ACBD5: variants seen among roughly 807,000 people sequenced by gnomAD.
ACBD5 encodes acyl-CoA-binding domain-containing protein 5.
ACBD5 carries 40 observed loss-of-function variants against 71.8 expected under a neutral mutation model. The ratio of observed to expected loss-of-function variants is 0.56; its 90% CI spans 0.43 to 0.72. The LOEUF (loss-of-function observed/expected upper bound fraction) is 0.72, where lower values mean the gene tolerates loss of function less well. ACBD5 is among the 30% of genes least tolerant of loss of function. The probability of loss-of-function intolerance (pLI) is 0.00; values close to 1 mark genes in which losing one functional copy is unlikely to be tolerated. For missense variants in ACBD5, 559 were observed against 644.5 expected (o/e 0.87, Z 1.44); for synonymous variants, 229 against 218.6 (o/e 1.05, Z -0.42).
At chr10:27,213,780 A>G (rs555975668) in intron 8 of ACBD5, among the ~76,000 whole-genome samples, 39 of 152,202 alleles carry the variant, frequency 2.6e-4, no homozygotes, top group Non-Finnish European at 3.1e-4. Context: ...AAGTACCAAA[A>G]ATAGAGTTAC....
chr10:27,205,175 A>G (rs370878059), intron 11 of ACBD5, 23 bp downstream of exon 11: 278 of 1,606,310 alleles, frequency 1.7e-4, no homozygotes, highest in Middle Eastern at 7.3e-4. Flanking sequence ...CCTGGCATTT[A>G]AATTTTTTAA....
At position 27,233,862 on chromosome 10, in the gene ACBD5, T is replaced by G. The variant is rs2064255290; in HGVS notation, c.302+1230A>C. Among the ~76,000 whole-genome samples, 3 of 152,170 alleles carry G rather than the reference T, an allele frequency of 2.0e-5. No individual in the cohort carries two copies. The South Asian group carries it at 6.2e-4, about 31-fold the overall frequency. Reference sequence around the variant, plus strand: ...GAGTTCAAGACCAGCCTGACCAACATGGAGAAACCCTGTCTCTACTAAAAA... The same window carrying G: ...GAGTTCAAGACCAGCCTGACCAACAGGGAGAAACCCTGTCTCTACTAAAAA... On this transcript the variant is annotated intron_variant, in intron 3 of 12. Coordinates refer to ENST00000396271, the MANE Select transcript of ACBD5 (RefSeq NM_145698.5).
At chr10:27,182,917 G>A (rs901838669) in intron 13 of ACBD5, among the ~76,000 whole-genome samples, 2 of 151,822 alleles carry the variant, frequency 1.3e-5, no homozygotes, top group Admixed American at 6.6e-5. Context: ...CCAAAATGCT[G>A]AATTACAGGT....
intron 12 of ACBD5, among the ~76,000 whole-genome samples, chr10:27,203,714 G>A (rs2060175089): frequency 1.3e-5 from 2 of 151,838 alleles, no homozygotes; most frequent in Non-Finnish European, 2.9e-5. Flanking sequence ...ACCCCAGCCT[G>A]GGCAACAAAA....
At chr10:27,184,614 G>T (rs1423225367) in intron 13 of ACBD5, among the ~76,000 whole-genome samples, 1 of 140,930 alleles carries the variant, frequency 7.1e-6, no homozygotes, top group Non-Finnish European at 1.5e-5. Flanking sequence ...AGGCTGGAGT[G>T]CAGTGGCATG....
At chr10:27,234,328 A>G (rs2800394) in intron 3 of ACBD5, among the ~76,000 whole-genome samples, 117,901 of 151,966 alleles carry the variant, frequency 0.78, 45,996 homozygotes, top group African/African-American at 0.86. Context: ...CAGAAGTGAC[A>G]GCTTAGATAA....
chr10:27,205,104 G>A lies in ACBD5; in HGVS notation c.1455+94C>T. The A allele has an allele frequency of 6.4e-6, 8 of 1,254,584 alleles. No individual in the cohort carries two copies. The South Asian group carries it at 9.6e-5, about 15-fold the overall frequency. 77.7% of individuals were successfully genotyped at this position (1,254,584 alleles called of 1,614,324 possible). Reference sequence around the variant, plus strand: ...ATCGCACCACTGCACTCCAGCCTGGGCAACAGAGCGAGACTCCGTATCAAA... The same window carrying A: ...ATCGCACCACTGCACTCCAGCCTGGACAACAGAGCGAGACTCCGTATCAAA... On this transcript the variant is annotated intron_variant, in intron 11 of 12. Coordinates refer to ENST00000396271, the MANE Select transcript of ACBD5 (RefSeq NM_145698.5).
Position 27,210,876 on chromosome 10 carries a change from G to T in ACBD5, c.1142C>A (p.Ala381Glu). ...GGEDGRNNSG[A>E]PHREKRGGET... ...TCCGCCTCGCTTCTCCCGGTGTGGT[G>T]CTCCGCTGTTATTCCTGCCATCTTC... Residue 381 changes from alanine to glutamate, a missense_variant, in exon 9 of 13, where the codon GCA becomes GAA. Transcript: ENST00000396271. 6.2e-7 allele frequency: 1 copy of T among 1,614,170 alleles called. No homozygotes were observed. Among genetic ancestry groups the T allele is most frequent in the Non-Finnish European group, 8.5e-7 (1 of 1,180,036 alleles).
intron 12 of ACBD5, among the ~76,000 whole-genome samples, chr10:27,200,024 C>T (rs1236794022): frequency 6.6e-6 from 1 of 151,970 alleles, no homozygotes; most frequent in Non-Finnish European, 1.5e-5. Flanking sequence ...TAGAAACATC[C>T]TTTCCTTCAA....
At chr10:27,241,135 C>T (rs1171438723), upstream of ACBD5, among the ~76,000 whole-genome samples, 1 of 152,224 alleles carries the variant, frequency 6.6e-6, no homozygotes, top group African/African-American at 2.4e-5. Flanking sequence ...CACGCGACGG[C>T]ACCGCTGGGC....
intron 12 of ACBD5, among the ~76,000 whole-genome samples, chr10:27,198,482 T>A (rs2059582953): frequency 6.6e-6 from 1 of 152,200 alleles, no homozygotes; most frequent in African/African-American, 2.4e-5. Context: ...CTTATGCAAC[T>A]CCTTTGGCAG....
At chr10:27,194,319 G>A (rs889727173), downstream of ACBD5, among the ~76,000 whole-genome samples, 1 of 149,622 alleles carries the variant, frequency 6.7e-6, no homozygotes. Flanking sequence ...TATTTAAGAT[G>A]GTTGATTAGG....
Position 27,240,418 on chromosome 10 carries a change from G to A in ACBD5, c.82C>T (p.Arg28Trp). The A allele has an allele frequency of 1.2e-6, 2 of 1,614,062 alleles. No homozygotes were observed. The highest frequency in any genetic ancestry group is 1.7e-6 in the Non-Finnish European group (2 of 1,180,034). ...ATCTCCAGCTGCCAGTGTTGGCCCCGGTCCCAAGGTCTGTCGGCGGGAATC... is the reference window on the plus strand; with the variant it reads ...ATCTCCAGCTGCCAGTGTTGGCCCCAGTCCCAAGGTCTGTCGGCGGGAATC... ...CLIPADRPWD[R>W]GQHWQLEMAD... is the part of the protein sequence containing the mutation. The change falls in exon 2 of 13, where the codon CGG (arginine) becomes TGG (tryptophan). Residue 28 changes from arginine (R) to tryptophan (W), a missense_variant. Physicochemically the swap from Arg to Trp is moderately radical, Grantham distance 101 (BLOSUM62 -3). Transcript: ENST00000396271. This position sits in a 1 kb window ranked among gnomAD's most constrained non-coding sequence, Gnocchi z 4.1.
At chr10:27,210,792 G>A (rs779583609) in intron 9 of ACBD5, 22 bp downstream of exon 9, 1 of 1,613,776 alleles carries the variant, frequency 6.2e-7, no homozygotes, top group Non-Finnish European at 8.5e-7. Flanking sequence ...AAAGGTGAGG[G>A]AAGAAAAAAG....
chr10:27,241,722 A>T (rs1037757221), upstream of ACBD5, among the ~76,000 whole-genome samples: 12 of 103,656 alleles, frequency 1.2e-4, no homozygotes, highest in East Asian at 3.7e-3. Context: ...CCAATAATTA[A>T]AAAAAAAAAT....
chr10:27,204,729 G>A (rs185920880), intron 11 of ACBD5, among the ~76,000 whole-genome samples, 180 bp from the exon 12 acceptor site: 66 of 152,310 alleles, frequency 4.3e-4, no homozygotes, highest in African/African-American at 1.6e-3. Context: ...GCTTTCAGGA[G>A]TAGTTCAGAC....
intron 3 of ACBD5, among the ~76,000 whole-genome samples, chr10:27,232,548 G>A (rs1368462939): frequency 1.3e-5 from 2 of 151,918 alleles, no homozygotes; most frequent in Admixed American, 6.6e-5. Flanking sequence ...GGTTGGTCTC[G>A]AACTCCTAAC....
At chr10:27,229,159 T>C (rs2063534314) in intron 4 of ACBD5, among the ~76,000 whole-genome samples, 1 of 151,956 alleles carries the variant, frequency 6.6e-6, no homozygotes, top group East Asian at 1.9e-4. Flanking sequence ...TTCTCAGTGA[T>C]ATTTCATGGG....
At chr10:27,241,296 G>A (rs1226116292), upstream of ACBD5, among the ~76,000 whole-genome samples, 2 of 152,242 alleles carry the variant, frequency 1.3e-5, no homozygotes, top group Non-Finnish European at 2.9e-5. Context: ...CCTAGGGCAA[G>A]TCACTTAGCC....
Sources: allele counts gnomAD v4.1 joint callset (sites outside exome capture counted in the v4.1 genomes callset), GRCh38; gene constraint gnomAD v4.1.1; non-coding constraint Gnocchi (gnomAD v3.1); transcripts MANE v1.5; gene names NCBI Gene and HGNC (gene_info 2026-07-23, HGNC 2026-07-21).